Variants in NRG1 observed in about 807,000 individuals in gnomAD.
NRG1 encodes the protein pro-neuregulin-1, membrane-bound isoform.
In NRG1, 18 loss-of-function variants were observed where a neutral mutation model predicts 63.8. That is an observed-to-expected ratio of 0.28 (90% CI 0.19 to 0.42). NRG1 has a LOEUF of 0.42. Ranked by LOEUF, NRG1 falls within the 10% of genes least tolerant of loss-of-function variation. The pLI, the probability that NRG1 is intolerant of heterozygous loss-of-function variation, is 1.00. For missense variants in NRG1, 762 were observed against 814.7 expected, an observed-to-expected ratio of 0.94 and a Z score of 0.79; for synonymous variants, 302 against 301.3, an observed-to-expected ratio of 1.00 and a Z score of -0.02.
chr8:32,191,474 A>C (rs1842487814), intron 1 of NRG1, among the ~76,000 whole-genome samples: 1 of 151,186 alleles, frequency 6.6e-6, no homozygotes, highest in South Asian at 2.1e-4. Flanking sequence ...ATGTAAATCG[A>C]CTCTTCCCTT....
chr8:32,051,217 T>C (rs1821922655), intron 1 of NRG1, among the ~76,000 whole-genome samples: 1 of 152,178 alleles, frequency 6.6e-6, no homozygotes, highest in South Asian at 2.1e-4. Flanking sequence ...CATTCGTTTA[T>C]GTATTTAAAA....
chr8:32,655,181 T>G (rs373623124), intron 5 of NRG1, among the ~76,000 whole-genome samples: 4 of 152,334 alleles, frequency 2.6e-5, no homozygotes, highest in African/African-American at 9.6e-5. Flanking sequence ...TTTTCTCCTT[T>G]GATCTTGACA....
At chr8:31,773,686 A>G (rs1443465749) in intron 1 of NRG1, among the ~76,000 whole-genome samples, 1 of 152,190 alleles carries the variant, frequency 6.6e-6, no homozygotes, top group African/African-American at 2.4e-5. Flanking sequence ...AGCTTCAAGC[A>G]ATAGTATCTT....
At chr8:32,348,541 T>C (rs1325524920) in intron 1 of NRG1, among the ~76,000 whole-genome samples, 1 of 152,226 alleles carries the variant, frequency 6.6e-6, no homozygotes, top group African/African-American at 2.4e-5. Flanking sequence ...ATAAATTGTC[T>C]AAAATCTCAA....
intron 1 of NRG1, among the ~76,000 whole-genome samples, chr8:31,809,741 G>GTTTTTTTTTTTTTTTTTTTTTT (rs753730069): frequency 1.5e-5 from 1 of 68,018 alleles, no homozygotes; most frequent in Non-Finnish European, 2.6e-5. Context: ...TCTATTAATT[G>GTTTTTTTTTTTTTTTTTTTTTT]TTTTTTTTTT....
At chr8:32,741,845 C>T (rs769423387) in intron 6 of NRG1, among the ~76,000 whole-genome samples, 163 bp from the exon 7 acceptor site, 3 of 152,102 alleles carry the variant, frequency 2.0e-5, no homozygotes, top group African/African-American at 7.2e-5. Context: ...CCACAGTTTT[C>T]GTGGGACATG....
chr8:32,479,996 A>C (rs563103996), intron 1 of NRG1, among the ~76,000 whole-genome samples: 1 of 152,146 alleles, frequency 6.6e-6, no homozygotes, highest in Admixed American at 6.5e-5. Context: ...TATCTTCTTT[A>C]GGATCACTTA....
intron 1 of NRG1, among the ~76,000 whole-genome samples, chr8:31,918,752 A>G (rs370630781): frequency 0.015 from 2,272 of 151,940 alleles, 69 homozygotes; most frequent in African/African-American, 0.051. Flanking sequence ...TTTTTCTATT[A>G]ATTGGAATAG....
intron 1 of NRG1, among the ~76,000 whole-genome samples, chr8:31,755,592 C>A (rs1272070871): frequency 1.3e-5 from 2 of 152,090 alleles, no homozygotes; most frequent in Non-Finnish European, 2.9e-5. Flanking sequence ...CTTTATTTAA[C>A]CTTGCCTGCG....
At chr8:32,331,866 G>A (rs1323352292) in intron 1 of NRG1, among the ~76,000 whole-genome samples, 1 of 152,090 alleles carries the variant, frequency 6.6e-6, no homozygotes, top group Non-Finnish European at 1.5e-5. Context: ...CAAAATGTTT[G>A]CATGCCATTA....
intron 1 of NRG1, among the ~76,000 whole-genome samples, chr8:32,402,433 A>G (rs1161486343): frequency 1.3e-5 from 2 of 152,166 alleles, no homozygotes; most frequent in African/African-American, 2.4e-5. Flanking sequence ...TTAAAAAAAA[A>G]ACAATTCATA....
chr8:31,802,707 C>T (rs1295293667), intron 1 of NRG1, among the ~76,000 whole-genome samples: 1 of 152,138 alleles, frequency 6.6e-6, no homozygotes, highest in Admixed American at 6.5e-5. Context: ...TAAGAGAAAT[C>T]AGCAAGCTAT....
chr8:31,901,773 C>T (rs922391715), intron 1 of NRG1, among the ~76,000 whole-genome samples: 1 of 152,168 alleles, frequency 6.6e-6, no homozygotes, highest in African/African-American at 2.4e-5. Context: ...TTATATGACT[C>T]ATTGAAGCTC....
chr8:32,637,083 A>T (rs1032031806), intron 5 of NRG1, among the ~76,000 whole-genome samples: 1 of 152,154 alleles, frequency 6.6e-6, no homozygotes, highest in East Asian at 1.9e-4. Context: ...AAAATTTTTT[A>T]AAAAGTTCCA....
chr8:31,908,363 G>T (rs573429484), intron 1 of NRG1, among the ~76,000 whole-genome samples: 1 of 152,194 alleles, frequency 6.6e-6, no homozygotes, highest in Non-Finnish European at 1.5e-5. Context: ...TGATACCCAG[G>T]ACTTGAAACT....
chr8:32,686,288 A>G (rs746790879), intron 5 of NRG1, among the ~76,000 whole-genome samples: 1 of 152,228 alleles, frequency 6.6e-6, no homozygotes, highest in Non-Finnish European at 1.5e-5. Flanking sequence ...AAAGTTAGAA[A>G]AAGAAAATGA....
At chr8:32,182,327 A>G (rs889402400) in intron 1 of NRG1, among the ~76,000 whole-genome samples, 2 of 151,298 alleles carry the variant, frequency 1.3e-5, no homozygotes, top group African/African-American at 4.9e-5. Flanking sequence ...GCTCACCACA[A>G]CCTCTGCCTC....
intron 1 of NRG1, among the ~76,000 whole-genome samples, chr8:31,699,041 G>A (rs144176104): frequency 2.6e-5 from 4 of 152,314 alleles, no homozygotes; most frequent in African/African-American, 9.6e-5. Flanking sequence ...TGTAATTACT[G>A]TGATATAACC....
intron 1 of NRG1, among the ~76,000 whole-genome samples, chr8:31,730,856 A>C (rs1252418756): frequency 6.6e-6 from 1 of 152,198 alleles, no homozygotes; most frequent in Admixed American, 6.6e-5. Flanking sequence ...TAAACTTGGA[A>C]CATGTATTCT....
Sources: allele counts gnomAD v4.1 joint callset (sites outside exome capture counted in the v4.1 genomes callset), GRCh38; gene constraint gnomAD v4.1.1; transcripts MANE v1.5; gene names NCBI Gene and HGNC (gene_info 2026-07-23, HGNC 2026-07-21).